The following ARFGEF1 variants were observed in gnomAD, a reference collection of about 807,000 sequenced individuals.
ARFGEF1 encodes brefeldin A-inhibited guanine nucleotide-exchange protein 1.
Under a neutral mutation model 231.0 loss-of-function variants are expected in ARFGEF1, and 42 were observed. The ratio of observed to expected loss-of-function variants is 0.18; its 90% confidence interval spans 0.14 to 0.24. The LOEUF (loss-of-function observed/expected upper bound fraction) is 0.24. Ranked by LOEUF, ARFGEF1 falls within the 10% of genes least tolerant of loss-of-function variation. The pLI, the probability that ARFGEF1 is intolerant of heterozygous loss-of-function variation, is 1.00. For missense variants in ARFGEF1, 1,345 were observed against 2,192.0 expected (o/e 0.61, Z 7.72); for synonymous variants, 710 against 732.3 (o/e 0.97, Z 0.49).
chr8:67,342,151 G>C (rs188647339), intron 1 of ARFGEF1, among the ~76,000 whole-genome samples: 1 of 152,224 alleles, frequency 6.6e-6, no homozygotes, highest in Admixed American at 6.5e-5. Flanking sequence ...ATTTGACCTA[G>C]TGTATTTCCA....
intron 23 of ARFGEF1, among the ~76,000 whole-genome samples, chr8:67,232,432 C>A (rs1350794431): frequency 6.6e-6 from 1 of 151,826 alleles, no homozygotes; most frequent in Non-Finnish European, 1.5e-5. Flanking sequence ...GAAGTCCTTT[C>A]CAAAAAAGTT....
chr8:67,186,666 A>G (rs1834696875), intron 5 of ARFGEF1, among the ~76,000 whole-genome samples: 1 of 152,208 alleles, frequency 6.6e-6, no homozygotes, highest in Non-Finnish European at 1.5e-5. Context: ...TGGAAGTCCT[A>G]GCTTAATATT....
At chr8:67,277,764 T>C (rs909375480) in intron 7 of ARFGEF1, among the ~76,000 whole-genome samples, 1 of 152,210 alleles carries the variant, frequency 6.6e-6, no homozygotes, top group Non-Finnish European at 1.5e-5. Flanking sequence ...TTTTGATGAA[T>C]GCTAATGACT....
chr8:67,314,308 C>T (rs535039308), intron 1 of ARFGEF1, among the ~76,000 whole-genome samples: 6 of 152,294 alleles, frequency 3.9e-5, no homozygotes, highest in Admixed American at 3.9e-4. Context: ...ATTCAAATTG[C>T]TACAAAATTC....
At chr8:67,185,519 G>A (rs1184789599) in intron 5 of ARFGEF1, among the ~76,000 whole-genome samples, 1 of 152,168 alleles carries the variant, frequency 6.6e-6, no homozygotes, top group African/African-American at 2.4e-5. Context: ...TCCCTTGGGG[G>A]CTTTGAAATA....
chr8:67,288,795 T>C (rs972401922), intron 6 of ARFGEF1, among the ~76,000 whole-genome samples: 2 of 152,150 alleles, frequency 1.3e-5, no homozygotes, highest in Non-Finnish European at 2.9e-5. Context: ...AAGATCAACA[T>C]GGTACTCTAT....
At chr8:67,301,110 C>T in intron 3 of ARFGEF1, 114 bp downstream of exon 3, 9 of 1,031,344 alleles carry the variant, frequency 8.7e-6, no homozygotes, top group East Asian at 2.7e-5. Context: ...GATTTTTTAC[C>T]ACAAAAAAGA....
At chr8:67,202,074 C>T (rs1186391174) in intron 36 of ARFGEF1, among the ~76,000 whole-genome samples, 1 of 152,188 alleles carries the variant, frequency 6.6e-6, no homozygotes, top group Non-Finnish European at 1.5e-5. Flanking sequence ...GTACAGACTA[C>T]TCTTTCCAGA....
intron 1 of ARFGEF1, among the ~76,000 whole-genome samples, chr8:67,311,592 C>T (rs143794232): frequency 0.022 from 3,293 of 147,600 alleles, 98 homozygotes; most frequent in African/African-American, 0.04. Context: ...CCTGGCCAGC[C>T]GCCTCGTCCG....
At chr8:67,285,877 A>C (rs1805737133) in intron 7 of ARFGEF1, among the ~76,000 whole-genome samples, 1 of 152,208 alleles carries the variant, frequency 6.6e-6, no homozygotes, top group Non-Finnish European at 1.5e-5. Flanking sequence ...GATTCTTCAA[A>C]AAAGCAAATG....
intron 10 of ARFGEF1, among the ~76,000 whole-genome samples, chr8:67,268,478 A>G (rs1463452300): frequency 6.6e-6 from 1 of 152,220 alleles, no homozygotes; most frequent in African/African-American, 2.4e-5. Context: ...ATTCAGAGGG[A>G]GATACATCTG....
At chr8:67,215,682 G>A (rs1387464045) in intron 33 of ARFGEF1, among the ~76,000 whole-genome samples, 2 of 152,182 alleles carry the variant, frequency 1.3e-5, no homozygotes, top group South Asian at 2.1e-4. Flanking sequence ...GAAGCTGGAC[G>A]AAGCTAGTAA....
downstream of ARFGEF1, among the ~76,000 whole-genome samples, chr8:67,193,042 ATACG>A (rs1836835874): frequency 6.6e-6 from 1 of 152,202 alleles, no homozygotes; most frequent in African/African-American, 2.4e-5. Flanking sequence ...GAGCCATAAT[ATACG>A]TGCTCTATAT....
At position 67,302,905 on chromosome 8, in the gene ARFGEF1, T is replaced by TC. The variant is rs1563902346; in HGVS notation, c.125-440_125-439insG. 3.0e-5 allele frequency among the ~76,000 whole-genome samples: 3 copies of TC among 100,254 alleles called. No individual in the cohort carries two copies. In the South Asian group the frequency reaches 1.2e-3, roughly 39 times the overall value. 65.8% of individuals were successfully genotyped at this position (100,254 alleles called of 152,430 possible). A position where few individuals can be genotyped will look rare whatever the true frequency, so the allele number is the denominator to read the frequency against. ...GCCTGGGCAACAAAGACCCCATCTC[T>TC]TAAAAAAAAAAAAAAAAAAAAAAAA... is the stretch of plus-strand genomic sequence containing the variant. On this transcript the variant is annotated intron_variant, in intron 1 of 38. Transcript: ENST00000262215.
downstream of ARFGEF1, among the ~76,000 whole-genome samples, chr8:67,193,233 G>T (rs562839683): frequency 1.6e-3 from 240 of 152,088 alleles, no homozygotes; most frequent in African/African-American, 5.6e-3. Context: ...AAGTAGCCGG[G>T]GACTACAGGC....
chr8:67,183,843 A>ATT (rs918103972), intron 5 of ARFGEF1, among the ~76,000 whole-genome samples: 3,736 of 108,198 alleles, frequency 0.035, 392 homozygotes, highest in African/African-American at 0.12. Context: ...AAAATTGGGA[A>ATT]TTTTTTTTTT....
intron 5 of ARFGEF1, among the ~76,000 whole-genome samples, chr8:67,186,963 TATCTATC>T (rs1402022688): frequency 3.5e-5 from 5 of 144,464 alleles, no homozygotes; most frequent in African/African-American, 1.0e-4. Flanking sequence ...GGTATAAATC[TATCTATC>T]ATCTATCTAT....
At chr8:67,243,368 A>G (rs1839990040) in intron 19 of ARFGEF1, among the ~76,000 whole-genome samples, 1 of 152,222 alleles carries the variant, frequency 6.6e-6, no homozygotes, top group Admixed American at 6.5e-5. Flanking sequence ...GAAGGCAAGG[A>G]GGAGCAAAAT....
intron 19 of ARFGEF1, among the ~76,000 whole-genome samples, chr8:67,241,495 C>T (rs899751875): frequency 1.3e-5 from 2 of 152,114 alleles, no homozygotes; most frequent in African/African-American, 4.8e-5. Context: ...TGTTTAACTC[C>T]TTTAGGAATC....
Sources: allele counts gnomAD v4.1 joint callset (sites outside exome capture counted in the v4.1 genomes callset), GRCh38; gene constraint gnomAD v4.1.1; transcripts MANE v1.5; gene names NCBI Gene and HGNC (gene_info 2026-07-23, HGNC 2026-07-21).